Variants in KCNJ3 observed in about 807,000 individuals in gnomAD.
KCNJ3 encodes potassium inwardly rectifying channel subfamily J member 3.
KCNJ3 carries 4 observed loss-of-function variants against 39.2 expected under a neutral mutation model. That is an observed-to-expected ratio of 0.10 (90% CI 0.05 to 0.23). The LOEUF (loss-of-function observed/expected upper bound fraction) is 0.23. Among genes scored for constraint, KCNJ3 ranks in the 10% least tolerant of loss-of-function variants. The pLI, the probability that KCNJ3 is intolerant of heterozygous loss-of-function variation, is 1.00. For missense variants in KCNJ3, 276 were observed against 634.9 expected (o/e 0.43, Z 6.08); for synonymous variants, 230 against 237.4 (o/e 0.97, Z 0.29).
chr2:154,835,454 TATA>T (rs1161104398), intron 2 of KCNJ3, among the ~76,000 whole-genome samples: 1 of 96,016 alleles, frequency 1.0e-5, no homozygotes, highest in Non-Finnish European at 2.4e-5. Flanking sequence ...AATATGAATA[TATA>T]ATATTCATGA....
At chr2:154,794,600 C>A (rs1206938894) in intron 2 of KCNJ3, among the ~76,000 whole-genome samples, 5 of 151,982 alleles carry the variant, frequency 3.3e-5, no homozygotes, top group Non-Finnish European at 2.9e-5. Context: ...AAAATTCTGT[C>A]TTTTCATTTC....
chr2:154,759,695 A>G (rs1292396615), intron 2 of KCNJ3, among the ~76,000 whole-genome samples: 1 of 152,084 alleles, frequency 6.6e-6, no homozygotes, highest in Non-Finnish European at 1.5e-5. Context: ...TTTTACTTTA[A>G]TCATATTTAT....
chr2:154,761,258 T>C (rs940666757), intron 2 of KCNJ3, among the ~76,000 whole-genome samples: 3 of 152,112 alleles, frequency 2.0e-5, no homozygotes, highest in African/African-American at 7.2e-5. Flanking sequence ...TCCATCAAAC[T>C]GTAGTGCCAA....
chr2:154,830,829 T>C (rs973942271), intron 2 of KCNJ3, among the ~76,000 whole-genome samples: 1 of 152,122 alleles, frequency 6.6e-6, no homozygotes, highest in African/African-American at 2.4e-5. Context: ...ACAAATTTGA[T>C]CAAGAAGTTC....
chr2:154,800,596 A>G (rs1228468112), intron 2 of KCNJ3, among the ~76,000 whole-genome samples: 2 of 152,050 alleles, frequency 1.3e-5, no homozygotes, highest in Non-Finnish European at 2.9e-5. Context: ...CTTTTAATTG[A>G]GCCTTAGTAT....
chr2:154,843,477 T>C (rs1412542314), intron 2 of KCNJ3, among the ~76,000 whole-genome samples: 1 of 152,192 alleles, frequency 6.6e-6, no homozygotes, highest in Non-Finnish European at 1.5e-5. Context: ...AATTTGAATG[T>C]TGGCCTGCCT....
chr2:154,791,602 T>C (rs755575280), intron 2 of KCNJ3, among the ~76,000 whole-genome samples: 1 of 151,954 alleles, frequency 6.6e-6, no homozygotes, highest in African/African-American at 2.4e-5. Context: ...TAAGATCCCA[T>C]GACTGTGAAC....
At chr2:154,793,931 T>G (rs1230749194) in intron 2 of KCNJ3, among the ~76,000 whole-genome samples, 1 of 151,998 alleles carries the variant, frequency 6.6e-6, no homozygotes, top group Non-Finnish European at 1.5e-5. Context: ...GCCCAAACAT[T>G]ATGGTATATA....
chr2:154,837,588 A>G (rs1687492777), intron 2 of KCNJ3, among the ~76,000 whole-genome samples: 1 of 152,130 alleles, frequency 6.6e-6, no homozygotes, highest in African/African-American at 2.4e-5. Context: ...TAACATTTTT[A>G]ACCTTCCCAT....
intron 2 of KCNJ3, among the ~76,000 whole-genome samples, chr2:154,789,230 T>C (rs1686585961): frequency 6.6e-6 from 1 of 151,730 alleles, no homozygotes; most frequent in Non-Finnish European, 1.5e-5. Flanking sequence ...ACCATGTACC[T>C]AGGCCTAATA....
At chr2:154,753,097 A>C (rs937289755) in intron 2 of KCNJ3, among the ~76,000 whole-genome samples, 10 of 152,148 alleles carry the variant, frequency 6.6e-5, no homozygotes, top group Admixed American at 3.3e-4. Context: ...TTTTTCTCTA[A>C]TGATGTATAA....
intron 2 of KCNJ3, among the ~76,000 whole-genome samples, chr2:154,845,402 A>C (rs1335337719): frequency 2.0e-5 from 3 of 151,968 alleles, no homozygotes; most frequent in Non-Finnish European, 4.4e-5. Flanking sequence ...TACAGGTGTG[A>C]GCCACCACAC....
intron 2 of KCNJ3, among the ~76,000 whole-genome samples, chr2:154,726,835 A>ACACACACACACACC (rs1553455093): frequency 3.1e-5 from 3 of 98,254 alleles, no homozygotes; most frequent in Admixed American, 1.1e-4. Flanking sequence ...ACACACACAC[A>ACACACACACACACC]TACACCATGG....
chr2:154,796,192 T>G (rs1368799670), intron 2 of KCNJ3, among the ~76,000 whole-genome samples: 2 of 152,114 alleles, frequency 1.3e-5, no homozygotes, highest in Non-Finnish European at 2.9e-5. Context: ...GGTCTATTGC[T>G]GAGGTACAGT....
intron 2 of KCNJ3, among the ~76,000 whole-genome samples, chr2:154,798,314 C>T (rs992948897): frequency 1.3e-5 from 2 of 151,892 alleles, no homozygotes; most frequent in Non-Finnish European, 2.9e-5. Context: ...CTAGACTAAA[C>T]GTCCTATACC....
intron 2 of KCNJ3, among the ~76,000 whole-genome samples, chr2:154,839,111 G>A (rs772210357): frequency 5.3e-5 from 8 of 151,938 alleles, no homozygotes; most frequent in East Asian, 1.9e-4. Context: ...CCCACCTCCC[G>A]ATAGGCCCTG....
chr2:154,774,383 T>C (rs1268319494), intron 2 of KCNJ3, among the ~76,000 whole-genome samples: 1 of 119,162 alleles, frequency 8.4e-6, no homozygotes, highest in Non-Finnish European at 1.9e-5. Flanking sequence ...ATCATTTGCA[T>C]TGCTTCAAGT....
intron 2 of KCNJ3, among the ~76,000 whole-genome samples, chr2:154,798,194 A>G (rs1190439580): frequency 8.9e-6 from 1 of 112,804 alleles, no homozygotes; most frequent in Non-Finnish European, 2.0e-5. Context: ...CACCGCACAC[A>G]CACACACACA....
At chr2:154,832,148 G>T (rs1452033014) in intron 2 of KCNJ3, among the ~76,000 whole-genome samples, 2 of 151,958 alleles carry the variant, frequency 1.3e-5, no homozygotes, top group Non-Finnish European at 2.9e-5. Flanking sequence ...CTGCCCCCAT[G>T]CATCTAGACA....
Sources: gnomAD v4.1 joint callset for allele counts (sites outside exome capture counted in the v4.1 genomes callset) on GRCh38, gnomAD v4.1.1 for gene constraint, MANE v1.5 for transcripts, NCBI Gene and HGNC (gene_info 2026-07-23, HGNC 2026-07-21) for gene names.